Variants in PTH1R observed in about 807,000 individuals in gnomAD.
PTH1R encodes parathyroid hormone/parathyroid hormone-related peptide receptor.
In PTH1R, 32 loss-of-function variants were observed where a neutral mutation model predicts 70.7. The observed-to-expected ratio is 0.45, with a 90% CI of 0.34 to 0.61. PTH1R has a LOEUF of 0.61. Among genes scored for constraint, PTH1R ranks in the 20% least tolerant of loss-of-function variants. PTH1R has a pLI of 0.01. For synonymous variants in PTH1R, 329 were observed against 324.8 expected (o/e 1.01, Z -0.14); for missense variants, 626 against 792.5 (o/e 0.79, Z 2.52).
rs2031877700 is a variant in PTH1R at position 46,898,291 on chromosome 3, A to G, written c.544-87A>G. ...CCTGACCCCTGACCTTGACTCCTCC[A>G]GCAACCTTACCCTGGCCTCTTGCTC... On this transcript the variant is annotated intron_variant, in intron 7 of 15. Coordinates refer to ENST00000449590, the MANE Select transcript of PTH1R (RefSeq NM_000316.3). 4 of 1,572,670 alleles carry G rather than the reference A, an allele frequency of 2.5e-6. No homozygotes were observed. The African/African-American group carries it at 4.1e-5, about 16-fold the overall frequency.
chr3:46,901,502 G>A lies in PTH1R; in HGVS notation c.1116+22G>A. ...TGTGGTGAGCAGGGGTGGGCTGCTG[G>A]CCACAGGGGTGGGTGGGATGTGCGC... is the stretch of plus-strand genomic sequence containing the variant. On this transcript the variant is annotated intron_variant, in intron 12 of 15. Coordinates refer to ENST00000449590, the MANE Select transcript of PTH1R (RefSeq NM_000316.3). This position sits in a 1 kb window ranked among gnomAD's most constrained non-coding sequence, Gnocchi z 7.3. 6.4e-7 allele frequency: 1 copy of A among 1,557,226 alleles called. No individual in the cohort carries two copies. Among genetic ancestry groups the A allele is most frequent in the African/African-American group, 1.4e-5 (1 of 73,564 alleles).
intron 3 of PTH1R, among the ~76,000 whole-genome samples, chr3:46,887,871 T>A (rs927755685): frequency 7.2e-5 from 11 of 152,192 alleles, no homozygotes; most frequent in Non-Finnish European, 1.0e-4. Flanking sequence ...AATTTGTGTG[T>A]GTGTCTATAT....
chr3:46,899,210 A>T, intron 9 of PTH1R, 93 bp from the exon 10 acceptor site: 1 of 1,559,116 alleles, frequency 6.4e-7, no homozygotes, highest in Non-Finnish European at 8.8e-7. Context: ...GGCCGGCACC[A>T]CTTGTCCTCT....
chr3:46,889,020 G>C (rs894432199), intron 3 of PTH1R, among the ~76,000 whole-genome samples: 8 of 152,236 alleles, frequency 5.3e-5, no homozygotes. Context: ...GCTCAGGCCA[G>C]CCGGACAGAG....
Position 46,903,416 on chromosome 3 carries a change from C to A in PTH1R, c.1542C>A (p.Leu514=). 1 of 1,613,282 alleles carries A rather than the reference C, an allele frequency of 6.2e-7. No individual in the cohort carries two copies. The highest frequency in any genetic ancestry group is 8.5e-7 in the Non-Finnish European group (1 of 1,179,782). Reference sequence around the variant, plus strand: ...CCAATGTCGGCCCCCGTGTGGGACTCGGCCTGCCCCTCAGCCCCCGCCTAC... The same window carrying A: ...CCAATGTCGGCCCCCGTGTGGGACTAGGCCTGCCCCTCAGCCCCCGCCTAC... ...SVTNVGPRVG[L]GLPLSPRLLP... The change falls in exon 16 of 16, where the codon CTC becomes CTA. Residue 514 remains leucine (L), a synonymous_variant. Coordinates refer to ENST00000449590, the MANE Select transcript of PTH1R (RefSeq NM_000316.3). The surrounding 1 kb of genome is among the most constrained non-coding windows in gnomAD (Gnocchi z 4.4).
At chr3:46,897,315 T>C (rs901092439) in intron 5 of PTH1R, among the ~76,000 whole-genome samples, 12 of 152,244 alleles carry the variant, frequency 7.9e-5, no homozygotes, top group Non-Finnish European at 7.3e-5. Context: ...TGCCAGTACC[T>C]GTATCGCAGA....
In PTH1R at chr3:46,891,861, T is replaced by A. The variant is rs1575515225; in HGVS notation, c.76-2046T>A. ...TGGGAGGGACTGGTGATGCTGGTGT[T>A]GGTGTTAGTGACAGTAATGATGGTT... is the stretch of plus-strand genomic sequence containing the variant. On this transcript the variant is annotated intron_variant, in intron 3 of 15. Transcript: ENST00000449590. The surrounding 1 kb of genome is among the most constrained non-coding windows in gnomAD (Gnocchi z 4.3). 6.6e-6 allele frequency among the ~76,000 whole-genome samples: 1 copy of A among 152,010 alleles called. No homozygotes were observed. Among genetic ancestry groups the A allele is most frequent in the East Asian group, 1.9e-4 (1 of 5,192 alleles).
At position 46,902,643 on chromosome 3, in the gene PTH1R, T is replaced by C; in HGVS notation, c.1329T>C (p.Tyr443=). 6.2e-7 allele frequency: 1 copy of C among 1,614,038 alleles called. No homozygotes were observed. Among genetic ancestry groups the C allele is most frequent in the Non-Finnish European group, 8.5e-7 (1 of 1,180,018 alleles). ...SGTLWQVQMH[Y]EMLFNSFQGF... ...CGCTCTGGCAAGTCCAGATGCACTA[T>C]GAGATGCTCTTCAACTCCTTCCAGG... is the stretch of plus-strand genomic sequence containing the variant. The change falls in exon 14 of 16, where the codon TAT becomes TAC. Residue 443 remains tyrosine, a synonymous_variant. Transcript: ENST00000449590. This position sits in a 1 kb window ranked among gnomAD's most constrained non-coding sequence, Gnocchi z 5.4.
At chr3:46,898,568 C>T (rs1320588701) in intron 8 of PTH1R, 94 bp from the exon 9 acceptor site, 19 of 1,596,884 alleles carry the variant, frequency 1.2e-5, no homozygotes, top group Non-Finnish European at 1.5e-5. Context: ...TCACCCCCGG[C>T]GGGTGTCCCT....
In PTH1R at chr3:46,903,029, A is replaced by G. The variant is rs2032224384; in HGVS notation, c.1395+239A>G. On this transcript the variant is annotated intron_variant, in intron 15 of 15. Transcript: ENST00000449590. The surrounding 1 kb of genome is among the most constrained non-coding windows in gnomAD (Gnocchi z 4.4). ...GTCTTCCCAGCCCCATGGTTCAATT[A>G]TCTGTGACCCAGATTGGAGGACTCA... The G allele has an allele frequency of 1.0e-6, 1 of 973,854 alleles. No individual in the cohort carries two copies. The highest frequency in any genetic ancestry group is 2.0e-5 in the Admixed American group (1 of 50,236). The allele number at this position is 973,854 out of a possible 1,614,324, so 60.3% of individuals were successfully genotyped here. A position where few individuals can be genotyped will look rare whatever the true frequency, so the allele number is the denominator to read the frequency against.
rs1189398167 is a variant in PTH1R at position 46,898,195 on chromosome 3, G to A, written c.543+3G>A. 1.9e-6 allele frequency: 3 copies of A among 1,613,940 alleles called. No homozygotes were observed. The highest frequency in any genetic ancestry group is 1.7e-6 in the Non-Finnish European group (2 of 1,179,832). On this transcript the variant is annotated splice_donor_region_variant and intron_variant, in intron 7 of 15. Coordinates refer to ENST00000449590, the MANE Select transcript of PTH1R (RefSeq NM_000316.3). Reference sequence around the variant, plus strand: ...TCACCAATGAGACTCGTGAACGGGTGCGAGCCTTTCTCCTCCCCAACCTGA... The same window carrying A: ...TCACCAATGAGACTCGTGAACGGGTACGAGCCTTTCTCCTCCCCAACCTGA...
rs200637957 is a variant in PTH1R, at chr3:46,903,711, G to C, written c.*55G>C. The C allele has an allele frequency of 2.0e-4, 322 of 1,600,122 alleles. No individual in the cohort carries two copies. The African/African-American group carries it at 3.9e-3, about 19-fold the overall frequency. On this transcript the variant is annotated 3_prime_UTR_variant, in exon 16 of 16. Transcript: ENST00000449590. This position sits in a 1 kb window ranked among gnomAD's most constrained non-coding sequence, Gnocchi z 4.4. ...TAGTGGATGGACAGATGGACCAAAA[G>C]ATGGGTGGTTGAATGATTTCCCACT...
At position 46,879,370 on chromosome 3, in the gene PTH1R, G is replaced by A. The variant is rs867333903; in HGVS notation, c.-106+1527G>A. Among the ~76,000 whole-genome samples, 23 of 152,166 alleles carry A rather than the reference G, an allele frequency of 1.5e-4. No individual in the cohort carries two copies. Among genetic ancestry groups the A allele is most frequent in the African/African-American group, 5.3e-4 (22 of 41,426 alleles). On this transcript the variant is annotated intron_variant, in intron 1 of 15. Transcript: ENST00000449590. This position sits in a 1 kb window ranked among gnomAD's most constrained non-coding sequence, Gnocchi z 4.7. Reference sequence around the variant, plus strand: ...CAGTCCTTCCAATCCCTCCATTAATGTTCTTTTCTCATCACCAAGGGGGAA... The same window carrying A: ...CAGTCCTTCCAATCCCTCCATTAATATTCTTTTCTCATCACCAAGGGGGAA...
chr3:46,897,907 A>G lies in PTH1R; in HGVS notation c.366A>G (p.Ala122=), dbSNP rs776902431. The change falls in exon 6 of 16, where the codon GCA becomes GCG. Residue 122 remains alanine, a synonymous_variant. Coordinates refer to ENST00000449590, the MANE Select transcript of PTH1R (RefSeq NM_000316.3). ...ACATCCTGTGCTGGCCGCTGGGGGC[A>G]CCAGGTGAGGTGGTGGCTGTGCCCT... ...WDHILCWPLG[A]PGEVVAVPCP... is the part of the protein sequence containing the mutation. The G allele has an allele frequency of 3.1e-6, 5 of 1,613,872 alleles. No homozygotes were observed. The highest frequency in any genetic ancestry group is 3.3e-5 in the Admixed American group (2 of 60,012).
rs190891724 is a variant in PTH1R, at chr3:46,901,083, C to T, written c.1047C>T (p.Thr349=). The change falls in exon 11 of 16, where the codon ACC becomes ACT. Residue 349 remains threonine (T), a splice_region_variant and synonymous_variant. Coordinates refer to ENST00000449590, the MANE Select transcript of PTH1R (RefSeq NM_000316.3). This position sits in a 1 kb window ranked among gnomAD's most constrained non-coding sequence, Gnocchi z 7.3. ...WVSVRATLAN[T]GCWDLSSGNK... The stretch of plus-strand genomic sequence containing the variant: ...GTGTCAGAGCTACCCTGGCCAACAC[C>T]GGGTAGGTCCAGGTGGAGAAGGGGC... The T allele has an allele frequency of 1.1e-5, 17 of 1,575,722 alleles. No homozygotes were observed. Among genetic ancestry groups the T allele is most frequent in the Middle Eastern group, 1.7e-4 (1 of 6,016 alleles).
chr3:46,882,753 G>T lies in PTH1R; in HGVS notation c.-48-759G>T, dbSNP rs900156051. Among the ~76,000 whole-genome samples the T allele has an allele frequency of 1.3e-5, 2 of 152,152 alleles. No homozygotes were observed. Among genetic ancestry groups the T allele is most frequent in the African/African-American group, 2.4e-5 (1 of 41,448 alleles). On this transcript the variant is annotated intron_variant, in intron 2 of 15. Transcript: ENST00000449590. This position sits in a 1 kb window ranked among gnomAD's most constrained non-coding sequence, Gnocchi z 4.3. ...GGCCAAGGCCGGGGGAGCTAGAGAC[G>T]GACTGACAGACAGGCAGACCGACAG...
Position 46,901,398 on chromosome 3 carries a change from C to T in PTH1R, c.1050-16C>T, listed in dbSNP as rs1335696449. The stretch of plus-strand genomic sequence containing the variant: ...GGAACAGGAGGGATGGGAGCTAATG[C>T]CTCAACCTCCCCCAGGTGCTGGGAC... On this transcript the variant is annotated splice_polypyrimidine_tract_variant and intron_variant, in intron 11 of 15. Coordinates refer to ENST00000449590, the MANE Select transcript of PTH1R (RefSeq NM_000316.3). This position sits in a 1 kb window ranked among gnomAD's most constrained non-coding sequence, Gnocchi z 7.3. 1.0e-5 allele frequency: 16 copies of T among 1,561,662 alleles called. No homozygotes were observed. Among genetic ancestry groups the T allele is most frequent in the Non-Finnish European group, 1.4e-5 (16 of 1,152,194 alleles).
intron 3 of PTH1R, among the ~76,000 whole-genome samples, chr3:46,886,707 C>T (rs1258262052): frequency 6.6e-6 from 1 of 152,178 alleles, no homozygotes; most frequent in East Asian, 1.9e-4. Flanking sequence ...AGAACAGTGG[C>T]TGTCCCCAGA....
chr3:46,899,258 CG>C, intron 9 of PTH1R, 44 bp from the exon 10 acceptor site: 1 of 1,612,774 alleles, frequency 6.2e-7, no homozygotes, highest in Non-Finnish European at 8.5e-7. Context: ...CCTGACTTCC[CG>C]GAGGCAGGCC....
Sources: gnomAD v4.1 joint callset for allele counts (sites outside exome capture counted in the v4.1 genomes callset) on GRCh38, gnomAD v4.1.1 for gene constraint, Gnocchi (gnomAD v3.1) non-coding constraint, MANE v1.5 for transcripts, NCBI Gene and HGNC (gene_info 2026-07-23, HGNC 2026-07-21) for gene names.